The following CD99 variants were observed in gnomAD, a reference collection of about 807,000 sequenced individuals.
CD99 encodes CD99 molecule (Xg blood group).
A neutral mutation model predicts 28.4 loss-of-function variants in CD99; 19 were observed. The ratio of observed to expected loss-of-function variants is 0.67; its 90% CI spans 0.47 to 0.98. The LOEUF is 0.98. Among genes scored for constraint, CD99 ranks in the 50% least tolerant of loss-of-function variants. The pLI, the probability that CD99 is intolerant of heterozygous loss-of-function variation, is 0.00. For synonymous variants in CD99, 103 were observed against 92.1 expected, an observed-to-expected ratio of 1.12 and a Z score of -0.67; for missense variants, 283 against 248.8, an observed-to-expected ratio of 1.14 and a Z score of -0.92.
intron 4 of CD99, 96 bp downstream of exon 4, chrX:2,719,801 GGGAACCAGT>G (rs1270818219): frequency 3.0e-6 from 4 of 1,344,800 alleles, no homozygotes; most frequent in Non-Finnish European, 4.3e-6. Flanking sequence ...AAATTATAAA[GGGAACCAGT>G]TTTCACAGTG....
chrX:2,711,983 A>G (rs996817190), intron 1 of CD99, among the ~76,000 whole-genome samples: 14 of 152,180 alleles, frequency 9.2e-5, no homozygotes, highest in African/African-American at 3.1e-4. Context: ...CGGAGGTTGT[A>G]GTGAGCCAAG....
chrX:2,727,756 C>T (rs1446974066), intron 8 of CD99, among the ~76,000 whole-genome samples: 1 of 152,134 alleles, frequency 6.6e-6, no homozygotes, highest in African/African-American at 2.4e-5. Flanking sequence ...GGATTACAGG[C>T]GTGAGGCACC....
chrX:2,717,837 GA>G, intron 3 of CD99, 185 bp downstream of exon 3: 1 of 602,660 alleles, frequency 1.7e-6, no homozygotes, highest in Non-Finnish European at 3.0e-6. Flanking sequence ...TCCAGTAAAA[GA>G]ATGGTTGCTG....
intron 8 of CD99, among the ~76,000 whole-genome samples, chrX:2,726,757 T>A (rs1241375794): frequency 1.3e-5 from 2 of 152,160 alleles, no homozygotes; most frequent in African/African-American, 4.8e-5. Context: ...TCCTGCCCTG[T>A]TATTTACAAC....
At chrX:2,715,299 G>T (rs1436831055) in intron 2 of CD99, 1 of 152,172 alleles carries the variant, frequency 6.6e-6, no homozygotes, top group African/African-American at 2.4e-5. Flanking sequence ...TAAACCACAG[G>T]GATTTATCAT....
At chrX:2,736,500 A>G (rs1455586067) in intron 8 of CD99, among the ~76,000 whole-genome samples, 5 of 152,088 alleles carry the variant, frequency 3.3e-5, no homozygotes, top group Non-Finnish European at 7.4e-5. Flanking sequence ...AGCGACACCG[A>G]CAACATTTGG....
chrX:2,716,889 G>C (rs1411051330), intron 2 of CD99, among the ~76,000 whole-genome samples: 3 of 152,198 alleles, frequency 2.0e-5, no homozygotes, highest in Non-Finnish European at 2.9e-5. Context: ...GGGGCCAAAA[G>C]TGTGTTTCAT....
In CD99 at chrX:2,741,103, CA is replaced by C. The variant is rs2050167928; in HGVS notation, c.*301del. 1 of 436,770 alleles carries C rather than the reference CA, an allele frequency of 2.3e-6. No individual in the cohort carries two copies. The highest frequency in any genetic ancestry group is 3.9e-5 in the Admixed American group (1 of 25,940). 27.1% of individuals were successfully genotyped at this position (436,770 alleles called of 1,614,324 possible). A position where few individuals can be genotyped will look rare whatever the true frequency, so the allele number is the denominator to read the frequency against. ...TATTAAGTCCCTGTAACTCAAATGT[CA>C]ACCCCACCGAGGCACCCCCCCGTCC... is the stretch of plus-strand genomic sequence containing the variant. On this transcript the variant is annotated 3_prime_UTR_variant, in exon 10 of 10. Transcript: ENST00000381192.
intron 8 of CD99, among the ~76,000 whole-genome samples, chrX:2,736,201 CAA>C (rs748847590): frequency 3.6e-4 from 29 of 80,342 alleles, no homozygotes; most frequent in Non-Finnish European, 4.3e-4. Context: ...GACTCTGTCT[CAA>C]AAAAAAAAAA....
At chrX:2,731,281 C>A (rs761166149) in intron 8 of CD99, among the ~76,000 whole-genome samples, 15 of 152,284 alleles carry the variant, frequency 9.9e-5, no homozygotes, top group Non-Finnish European at 1.5e-5. Context: ...GTGAGTATAG[C>A]ATGCCCTGGT....
intron 1 of CD99, among the ~76,000 whole-genome samples, chrX:2,711,412 T>TA (rs780117907): frequency 0.012 from 997 of 86,388 alleles, 18 homozygotes; most frequent in African/African-American, 0.036. Context: ...TGTGTGTGTA[T>TA]TATATATATA....
chrX:2,701,900 A>G (rs2047882165), intron 1 of CD99, among the ~76,000 whole-genome samples: 1 of 152,196 alleles, frequency 6.6e-6, no homozygotes, highest in African/African-American at 2.4e-5. Context: ...GAGGAAGTTA[A>G]AATCTGTAAC....
chrX:2,717,794 A>G (rs1174012458), intron 3 of CD99, 142 bp downstream of exon 3: 2 of 709,286 alleles, frequency 2.8e-6, no homozygotes, highest in Non-Finnish European at 5.0e-6. Context: ...TAATACTGGA[A>G]TTGTGTTATG....
At chrX:2,723,390 T>C (rs747434262) in intron 7 of CD99, 26 bp downstream of exon 7, 4 of 1,613,336 alleles carry the variant, frequency 2.5e-6, no homozygotes, top group East Asian at 4.5e-5. Flanking sequence ...TTCTGTCTTC[T>C]TGTCTCTCCC....
chrX:2,709,550 T>C (rs749353686), intron 1 of CD99, among the ~76,000 whole-genome samples: 1 of 152,348 alleles, frequency 6.6e-6, no homozygotes, highest in East Asian at 1.9e-4. Flanking sequence ...GCAATACATA[T>C]ATGCATGCAC....
chrX:2,732,711 T>C (rs979430074), intron 8 of CD99, among the ~76,000 whole-genome samples: 42 of 138,490 alleles, frequency 3.0e-4, no homozygotes, highest in African/African-American at 1.4e-3. Flanking sequence ...CCTCTTTCTT[T>C]TTTCTCTCTT....
chrX:2,710,619 T>C (rs1406108491), intron 1 of CD99, among the ~76,000 whole-genome samples: 2 of 151,818 alleles, frequency 1.3e-5, no homozygotes, highest in African/African-American at 4.8e-5. Flanking sequence ...TCTTTCTTGC[T>C]AAAGAATACA....
chrX:2,693,863 T>C (rs2047447339), intron 1 of CD99, among the ~76,000 whole-genome samples: 1 of 152,168 alleles, frequency 6.6e-6, no homozygotes, highest in Non-Finnish European at 1.5e-5. Context: ...CAGACATTTT[T>C]GGTTGCCACC....
Position 2,691,388 on chromosome X carries a change from C to G in CD99, c.28C>G (p.Leu10Val). 1.9e-6 allele frequency: 3 copies of G among 1,582,214 alleles called. No individual in the cohort carries two copies. The highest frequency in any genetic ancestry group is 3.4e-5 in the Admixed American group (2 of 58,638). Residue 10 changes from leucine to valine, a missense_variant, in exon 1 of 10, where the codon CTG becomes GTG. By Grantham distance (32) the Leu-to-Val change is conservative. Transcript: ENST00000381192. ...GGCCCGCGGGGCTGCGCTGGCGCTGCTGCTCTTCGGCCTGCTGGGTGTTCT... is the reference window on the plus strand; with the variant it reads ...GGCCCGCGGGGCTGCGCTGGCGCTGGTGCTCTTCGGCCTGCTGGGTGTTCT... MARGAALAL[L>V]LFGLLGVLVA... is the part of the protein sequence containing the mutation.
Sources: allele counts gnomAD v4.1 joint callset (sites outside exome capture counted in the v4.1 genomes callset), GRCh38; gene constraint gnomAD v4.1.1; transcripts MANE v1.5; gene names NCBI Gene and HGNC (gene_info 2026-07-23, HGNC 2026-07-21).